The following UST variants were observed in gnomAD, a reference collection of about 807,000 sequenced individuals.
UST encodes the protein uronyl 2-sulfotransferase, also known as chondroitin sulfate 2-O-sulfotransferase.
In UST, 21 loss-of-function variants were observed where a neutral mutation model predicts 45.6. The observed-to-expected ratio is 0.46, with a 90% CI of 0.33 to 0.66. The LOEUF (loss-of-function observed/expected upper bound fraction) is 0.66, where lower values mean the gene tolerates loss of function less well. Ranked by LOEUF, UST falls within the 30% of genes least tolerant of loss-of-function variation. The probability of loss-of-function intolerance (pLI) is 0.02; values close to 1 mark genes in which losing one functional copy is unlikely to be tolerated. For synonymous variants in UST, 215 were observed against 200.6 expected (o/e 1.07, Z -0.61); for missense variants, 463 against 512.4 (o/e 0.90, Z 0.93).
intron 1 of UST, among the ~76,000 whole-genome samples, chr6:148,789,284 C>T (rs2114700448): frequency 6.6e-6 from 1 of 152,220 alleles, no homozygotes; most frequent in South Asian, 2.1e-4. Context: ...GAGTCAGCAG[C>T]ATCAGCATCA....
At chr6:149,011,080 T>A (rs896981086) in intron 5 of UST, among the ~76,000 whole-genome samples, 1 of 2,014 alleles carries the variant, frequency 5.0e-4, no homozygotes, top group Non-Finnish European at 2.2e-3. Context: ...TCCCAATGAG[T>A]TAAGGATATT....
chr6:148,884,617 A>G (rs1186254786), intron 1 of UST, among the ~76,000 whole-genome samples: 2 of 151,984 alleles, frequency 1.3e-5, no homozygotes, highest in African/African-American at 4.8e-5. Flanking sequence ...TGGGTGATGC[A>G]GGGCCTTACA....
intron 2 of UST, among the ~76,000 whole-genome samples, chr6:148,922,296 T>C (rs1779724410): frequency 6.6e-6 from 1 of 151,958 alleles, no homozygotes; most frequent in Admixed American, 6.6e-5. Context: ...ATACTGCCTG[T>C]CTCTATGATT....
At chr6:148,772,064 T>G (rs1776439008) in intron 1 of UST, among the ~76,000 whole-genome samples, 1 of 152,238 alleles carries the variant, frequency 6.6e-6, no homozygotes, top group Admixed American at 6.5e-5. Context: ...TTTATAAAAG[T>G]GAAAGCATAA....
intron 1 of UST, among the ~76,000 whole-genome samples, chr6:148,868,273 A>G (rs960603028): frequency 4.6e-5 from 7 of 152,246 alleles, no homozygotes; most frequent in African/African-American, 1.7e-4. Context: ...GTTGATGTTA[A>G]GTAGGCTTGG....
chr6:148,777,450 GT>G (rs1205693100), intron 1 of UST, among the ~76,000 whole-genome samples: 1 of 152,248 alleles, frequency 6.6e-6, no homozygotes, highest in African/African-American at 2.4e-5. Context: ...GTATAGTCAT[GT>G]GCCACATAAT....
intron 2 of UST, among the ~76,000 whole-genome samples, chr6:148,933,555 G>T (rs879339613): frequency 1.1e-4 from 16 of 152,296 alleles, no homozygotes; most frequent in Admixed American, 1.0e-3. Context: ...TTTGAGAGTT[G>T]TGGATGGAAA....
intron 1 of UST, among the ~76,000 whole-genome samples, chr6:148,767,503 A>T (rs1776344230): frequency 6.6e-6 from 1 of 152,224 alleles, no homozygotes; most frequent in Non-Finnish European, 1.5e-5. Context: ...GTTGTTGCAG[A>T]TTCGGTACCG....
At chr6:149,039,411 A>G (rs1185836771) in intron 7 of UST, among the ~76,000 whole-genome samples, 1 of 152,018 alleles carries the variant, frequency 6.6e-6, no homozygotes, top group Non-Finnish European at 1.5e-5. Context: ...TTTTTAGGAG[A>G]GACGGGGTTT....
chr6:149,069,257 C>T (rs1234141631), intron 7 of UST, among the ~76,000 whole-genome samples: 1 of 152,156 alleles, frequency 6.6e-6, no homozygotes, highest in Non-Finnish European at 1.5e-5. Context: ...TGGATAGATA[C>T]ATAGTAGAAG....
intron 4 of UST, among the ~76,000 whole-genome samples, chr6:148,960,341 G>T (rs1780627152): frequency 6.6e-6 from 1 of 152,132 alleles, no homozygotes; most frequent in South Asian, 2.1e-4. Context: ...TCCTCACTCT[G>T]CCCCCAAAAG....
intron 1 of UST, among the ~76,000 whole-genome samples, chr6:148,788,021 G>A (rs1776765703): frequency 1.3e-5 from 2 of 152,106 alleles, no homozygotes; most frequent in South Asian, 4.1e-4. Context: ...CCCGAGACTG[G>A]GAAGAAAAAG....
intron 1 of UST, among the ~76,000 whole-genome samples, chr6:148,793,530 T>G (rs1776892564): frequency 6.6e-6 from 1 of 152,184 alleles, no homozygotes; most frequent in African/African-American, 2.4e-5. Context: ...TGGGAACACA[T>G]TCTGAGAAAT....
chr6:148,920,777 G>A (rs961281892), intron 2 of UST, among the ~76,000 whole-genome samples: 1 of 152,184 alleles, frequency 6.6e-6, no homozygotes, highest in Non-Finnish European at 1.5e-5. Context: ...CTACTCACTC[G>A]TCTCTACCTC....
chr6:149,036,257 C>T (rs567316717), intron 7 of UST, among the ~76,000 whole-genome samples: 38 of 152,346 alleles, frequency 2.5e-4, no homozygotes, highest in Non-Finnish European at 1.9e-4. Context: ...CGGGGACACC[C>T]AGTGGTACTC....
chr6:148,922,973 A>G (rs1038627742), intron 2 of UST, among the ~76,000 whole-genome samples: 15 of 151,840 alleles, frequency 9.9e-5, no homozygotes, highest in Non-Finnish European at 1.6e-4. Flanking sequence ...TTTAATTTTT[A>G]GTAGAGATGG....
chr6:149,028,999 A>G (rs1251376694), intron 7 of UST, among the ~76,000 whole-genome samples: 1 of 152,192 alleles, frequency 6.6e-6, no homozygotes, highest in African/African-American at 2.4e-5. Flanking sequence ...TAATGAATTA[A>G]TAACCTTTGT....
chr6:148,859,051 C>G (rs557527365), intron 1 of UST, among the ~76,000 whole-genome samples: 1 of 152,334 alleles, frequency 6.6e-6, no homozygotes, highest in African/African-American at 2.4e-5. Context: ...ATTTCTAGTT[C>G]TAGATCCTTG....
intron 5 of UST, among the ~76,000 whole-genome samples, chr6:148,978,172 G>A (rs532293351): frequency 6.6e-6 from 1 of 152,080 alleles, no homozygotes; most frequent in East Asian, 1.9e-4. Flanking sequence ...TATATCCCCA[G>A]GTGATAATTT....
Sources: allele counts gnomAD v4.1 joint callset (sites outside exome capture counted in the v4.1 genomes callset), GRCh38; gene constraint gnomAD v4.1.1; transcripts MANE v1.5; gene names NCBI Gene and HGNC (gene_info 2026-07-23, HGNC 2026-07-21).